DLG1: variants seen among roughly 807,000 people sequenced by gnomAD.
DLG1 encodes the protein disks large homolog 1.
In DLG1, 42 loss-of-function variants were observed where a neutral mutation model predicts 123.4. The ratio of observed to expected loss-of-function variants is 0.34; its 90% CI spans 0.27 to 0.44. The LOEUF (loss-of-function observed/expected upper bound fraction) is 0.44. Ranked by LOEUF, DLG1 falls within the 20% of genes least tolerant of loss-of-function variation. DLG1 has a pLI of 1.00. For missense variants in DLG1, 942 were observed against 1,082.6 expected (o/e 0.87, Z 1.82); for synonymous variants, 317 against 356.2 (o/e 0.89, Z 1.24).
chr3:197,296,953 T>TCG, intron 2 of DLG1: 1 of 502,874 alleles, frequency 2.0e-6, no homozygotes, highest in South Asian at 2.4e-5. Context: ...GGACATCTGT[T>TCG]GGGGGGGGGC....
Position 197,064,235 on chromosome 3 carries a change from C to G in DLG1, c.2373+1041G>C, listed in dbSNP as rs148417610. On this transcript the variant is annotated intron_variant, in intron 22 of 24. Coordinates refer to ENST00000667157, the MANE Select transcript of DLG1 (RefSeq NM_001366207.1). ...TGAGGCAGAGTTTCACTCTTGTCAC[C>G]CAGGTTGGAGTGCAACGGCACGACC... 4.5e-3 allele frequency among the ~76,000 whole-genome samples: 672 copies of G among 148,328 alleles called. 7 individuals are homozygous for G. The Middle Eastern group carries it at 0.046, about 10-fold the overall frequency.
intron 24 of DLG1, among the ~76,000 whole-genome samples, chr3:197,050,434 A>ATATG (rs71623331): frequency 0.012 from 1,848 of 152,222 alleles, 18 homozygotes; most frequent in Middle Eastern, 0.034. Flanking sequence ...ATATATATAT[A>ATATG]TATGTATGTA....
chr3:197,218,859 C>T (rs1189382813), intron 4 of DLG1, among the ~76,000 whole-genome samples: 3 of 152,150 alleles, frequency 2.0e-5, no homozygotes, highest in African/African-American at 4.8e-5. Flanking sequence ...CGGCCGGGTG[C>T]GATGGCTCAC....
intron 1 of DLG1, chr3:197,297,788 C>T (rs1201723487): frequency 2.0e-6 from 2 of 985,480 alleles, no homozygotes; most frequent in Non-Finnish European, 2.4e-6. Context: ...CCCACACCTG[C>T]GGCGCCGCCA....
At chr3:197,261,180 G>A (rs1759268453) in intron 4 of DLG1, among the ~76,000 whole-genome samples, 1 of 152,178 alleles carries the variant, frequency 6.6e-6, no homozygotes, top group Admixed American at 6.5e-5. Flanking sequence ...AGATCATTAG[G>A]ACTGGAGCTA....
intron 18 of DLG1, among the ~76,000 whole-genome samples, chr3:197,074,262 AATCT>A (rs1449412141): frequency 4.6e-5 from 7 of 152,150 alleles, no homozygotes; most frequent in African/African-American, 1.7e-4. Context: ...GAAGCACAGA[AATCT>A]ATTATTCAAG....
chr3:197,211,493 A>C (rs995972148), intron 4 of DLG1, among the ~76,000 whole-genome samples: 6 of 146,836 alleles, frequency 4.1e-5, no homozygotes, highest in African/African-American at 7.3e-5. Flanking sequence ...AATACACGCC[A>C]ATCAATAAAT....
At chr3:197,207,531 G>A (rs1578086438) in intron 4 of DLG1, among the ~76,000 whole-genome samples, 1 of 152,114 alleles carries the variant, frequency 6.6e-6, no homozygotes, top group East Asian at 1.9e-4. Flanking sequence ...AATTAGAAGA[G>A]GTAACTGAAA....
At chr3:197,171,628 T>C (rs1804245749) in intron 5 of DLG1, among the ~76,000 whole-genome samples, 1 of 152,216 alleles carries the variant, frequency 6.6e-6, no homozygotes, top group Admixed American at 6.5e-5. Context: ...TATCTCTACC[T>C]GTGAGACTCA....
rs188356767 is a variant in DLG1 at position 197,280,319 on chromosome 3, G to A, written c.318+2360C>T. Among the ~76,000 whole-genome samples the A allele has an allele frequency of 6.1e-5, 9 of 147,988 alleles. No individual in the cohort carries two copies. In the East Asian group the frequency reaches 1.8e-3, roughly 30 times the overall value. On this transcript the variant is annotated intron_variant, in intron 4 of 24. Coordinates refer to ENST00000667157, the MANE Select transcript of DLG1 (RefSeq NM_001366207.1). ...ATGACAGGATTTCATTCTTTTTATGGCTGAATAGTAGTCCATTTTGTGTGT... is the reference window on the plus strand; with the variant it reads ...ATGACAGGATTTCATTCTTTTTATGACTGAATAGTAGTCCATTTTGTGTGT...
At chr3:197,059,764 G>A in intron 23 of DLG1, 125 bp downstream of exon 23, 1 of 571,120 alleles carries the variant, frequency 1.8e-6, no homozygotes, top group Non-Finnish European at 3.1e-6. Flanking sequence ...CATAATCTGA[G>A]GTGAATAAAC....
chr3:197,193,876 G>A (rs926693412), intron 5 of DLG1, among the ~76,000 whole-genome samples: 1 of 151,626 alleles, frequency 6.6e-6, no homozygotes, highest in Admixed American at 6.6e-5. Flanking sequence ...CTGGAGTGCA[G>A]TGGCGTAATC....
intron 15 of DLG1, 116 bp downstream of exon 15, chr3:197,090,796 C>G (rs1757329761): frequency 3.6e-6 from 2 of 550,086 alleles, no homozygotes; most frequent in Non-Finnish European, 6.4e-6. Flanking sequence ...AAAAACAACA[C>G]TGATTGGCAA....
At chr3:197,239,209 C>G (rs904030954) in intron 4 of DLG1, among the ~76,000 whole-genome samples, 1 of 151,860 alleles carries the variant, frequency 6.6e-6, no homozygotes, top group Non-Finnish European at 1.5e-5. Flanking sequence ...TAAATGCCAA[C>G]AAACTAGATA....
intron 4 of DLG1, among the ~76,000 whole-genome samples, chr3:197,275,471 C>T (rs1765960368): frequency 6.6e-6 from 1 of 152,218 alleles, no homozygotes; most frequent in African/African-American, 2.4e-5. Flanking sequence ...CTATTCACCA[C>T]TGCCACGATA....
At chr3:197,048,003 T>C (rs752646795) in intron 24 of DLG1, among the ~76,000 whole-genome samples, 12 of 152,146 alleles carry the variant, frequency 7.9e-5, no homozygotes, top group Non-Finnish European at 1.6e-4. Context: ...AAACATGCAA[T>C]TGGTAAGGGG....
At chr3:197,132,852 GTGGTATA>G in intron 10 of DLG1, among the ~76,000 whole-genome samples, 1 of 147,264 alleles carries the variant, frequency 6.8e-6, no homozygotes, top group South Asian at 2.2e-4. Flanking sequence ...TTAAATAGCT[GTGGTATA>G]CTGCTGAAAT....
intron 5 of DLG1, among the ~76,000 whole-genome samples, chr3:197,164,592 G>A (rs187507187): frequency 5.9e-5 from 9 of 151,998 alleles, no homozygotes; most frequent in African/African-American, 1.9e-4. Flanking sequence ...GAATTGTTAA[G>A]TAAAAAATGA....
intron 4 of DLG1, among the ~76,000 whole-genome samples, chr3:197,211,400 C>T (rs1166344585): frequency 1.4e-5 from 2 of 146,466 alleles, no homozygotes; most frequent in Non-Finnish European, 3.1e-5. Flanking sequence ...CAACAAAATA[C>T]TTAAAAACTG....
Sources: gnomAD v4.1 joint callset for allele counts (sites outside exome capture counted in the v4.1 genomes callset) on GRCh38, gnomAD v4.1.1 for gene constraint, MANE v1.5 for transcripts, NCBI Gene and HGNC (gene_info 2026-07-23, HGNC 2026-07-21) for gene names.